Variants in CDC25A observed in about 807,000 individuals in gnomAD.
CDC25A encodes M-phase inducer phosphatase 1.
CDC25A carries 17 observed loss-of-function variants against 64.6 expected under a neutral mutation model. The observed-to-expected ratio is 0.26, with a 90% CI of 0.18 to 0.39. The LOEUF (loss-of-function observed/expected upper bound fraction) is 0.39. CDC25A is among the 10% of genes least tolerant of loss of function. CDC25A has a pLI of 1.00. For missense variants in CDC25A, 473 were observed against 654.8 expected (o/e 0.72, Z 3.03); for synonymous variants, 229 against 238.6 (o/e 0.96, Z 0.37).
At chr3:48,186,864 A>C in intron 1 of CDC25A, 85 bp from the exon 2 acceptor site, 1 of 928,126 alleles carries the variant, frequency 1.1e-6, no homozygotes, top group South Asian at 1.4e-5. Flanking sequence ...GAGATTAAGA[A>C]GCAGCCAGGC....
chr3:48,181,527 TC>T, intron 5 of CDC25A: 4 of 1,332,350 alleles, frequency 3.0e-6, no homozygotes, highest in Non-Finnish European at 4.2e-6. Flanking sequence ...GGGGTCGCGG[TC>T]GGCACTGAGG....
At chr3:48,175,693 C>G (rs1166183856) in intron 8 of CDC25A, among the ~76,000 whole-genome samples, 2 of 152,228 alleles carry the variant, frequency 1.3e-5, no homozygotes, top group Non-Finnish European at 2.9e-5. Flanking sequence ...CAAGCCCATG[C>G]TTATGACTCT....
chr3:48,162,391 T>A (rs186311317), intron 13 of CDC25A, among the ~76,000 whole-genome samples: 1 of 151,722 alleles, frequency 6.6e-6, no homozygotes, highest in Non-Finnish European at 1.5e-5. Flanking sequence ...GCTCAAACGA[T>A]CCTCCCACCT....
chr3:48,187,866 T>G lies in CDC25A; in HGVS notation c.82A>C (p.Lys28Gln). The G allele has an allele frequency of 6.5e-7, 1 of 1,548,228 alleles. No individual in the cohort carries two copies. The highest frequency in any genetic ancestry group is 8.7e-7 in the Non-Finnish European group (1 of 1,145,958). ...GCGGCTGAAGCGCCAAATAGCGCCT[T>G]CACGACGGGCTGCGACGCGGGAGGG... ...SPPPASQPVV[K>Q]ALFGASAAGG... is the part of the protein sequence containing the mutation. Residue 28 changes from lysine (K) to glutamine (Q), a missense_variant, in exon 1 of 15, where the codon AAG becomes CAG. Lys to Gln is a moderately conservative substitution (Grantham distance 53). This residue lies in a region of CDC25A where 376 missense variants were observed against 431.9 expected (regional missense o/e 0.87). Transcript: ENST00000302506.
intron 6 of CDC25A, 82 bp from the exon 7 acceptor site, chr3:48,178,070 G>T: frequency 7.4e-7 from 1 of 1,350,374 alleles, no homozygotes; most frequent in Non-Finnish European, 1.0e-6. Flanking sequence ...TTTTTATGAT[G>T]AAAACATACT....
intron 9 of CDC25A, among the ~76,000 whole-genome samples, chr3:48,172,335 G>A (rs1203608721): frequency 6.6e-6 from 1 of 152,172 alleles, no homozygotes; most frequent in Admixed American, 6.5e-5. Context: ...TGTTTTCCTA[G>A]CTGTCATCTC....
chr3:48,179,510 T>C (rs370269095), intron 6 of CDC25A, among the ~76,000 whole-genome samples: 1 of 152,090 alleles, frequency 6.6e-6, no homozygotes, highest in East Asian at 1.9e-4. Flanking sequence ...ATTGGGACTA[T>C]AGGAACAAGC....
intron 9 of CDC25A, among the ~76,000 whole-genome samples, chr3:48,168,320 G>C (rs1460919322): frequency 6.7e-6 from 1 of 149,900 alleles, no homozygotes; most frequent in Middle Eastern, 3.5e-3. Context: ...AATCGCTTGA[G>C]CCCAGGAGTT....
intron 3 of CDC25A, 83 bp from the exon 4 acceptor site, chr3:48,183,919 G>A (rs1280448312): frequency 3.7e-6 from 3 of 818,876 alleles, no homozygotes; most frequent in South Asian, 3.5e-5. Flanking sequence ...TGTTTAGCCT[G>A]TAGCTTGGGG....
chr3:48,188,163 C>T lies in CDC25A; in HGVS notation c.-216G>A. ...AGGCGCCAGCCACCAGCCACAGGCACGGGTGCTTCCCTCTCACACCGCGAG... is the reference window on the plus strand; with the variant it reads ...AGGCGCCAGCCACCAGCCACAGGCATGGGTGCTTCCCTCTCACACCGCGAG... On this transcript the variant is annotated 5_prime_UTR_variant, in exon 1 of 15. It adds an upstream start codon to the 5' untranslated region. Transcript: ENST00000302506. 2.8e-6 allele frequency: 1 copy of T among 358,336 alleles called. No individual in the cohort carries two copies. The highest frequency in any genetic ancestry group is 4.4e-5 in the East Asian group (1 of 22,780). 22.2% of individuals were successfully genotyped at this position (358,336 alleles called of 1,614,324 possible).
In CDC25A at chr3:48,188,057, C is replaced by A; in HGVS notation, c.-110G>T. The A allele has an allele frequency of 1.7e-4, 141 of 842,534 alleles. No individual in the cohort carries two copies. The highest frequency in any genetic ancestry group is 4.3e-4 in the Middle Eastern group (1 of 2,306). The allele number at this position is 842,534 out of a possible 1,614,324, so 52.2% of individuals were successfully genotyped here. ...CCGCGCGCCACCGGCGCCCGCGGGT[C>A]AAACACAAACACGACTCCGCGGTTC... On this transcript the variant is annotated 5_prime_UTR_variant, in exon 1 of 15. Coordinates refer to ENST00000302506, the MANE Select transcript of CDC25A (RefSeq NM_001789.3).
At chr3:48,177,577 C>G in intron 7 of CDC25A, 135 bp from the exon 8 acceptor site, 1 of 726,132 alleles carries the variant, frequency 1.4e-6, no homozygotes, top group Non-Finnish European at 2.4e-6. Context: ...CCATCCTATA[C>G]CGTTCTGATT....
At position 48,162,739 on chromosome 3, in the gene CDC25A, T is replaced by C. The variant is rs2031830553; in HGVS notation, c.1322+1568A>G. ...GGTGGGCACCTGTAGTCCCAGCTAC[T>C]CGGGAGGCTGAGGCAGGAGAATGGC... On this transcript the variant is annotated intron_variant, in intron 13 of 14. Transcript: ENST00000302506. Among the ~76,000 whole-genome samples, 3 of 151,978 alleles carry C rather than the reference T, an allele frequency of 2.0e-5. No homozygotes were observed. In the South Asian group the frequency reaches 6.3e-4, roughly 32 times the overall value.
intron 1 of CDC25A, among the ~76,000 whole-genome samples, chr3:48,187,535 G>A (rs1376688025): frequency 6.6e-6 from 1 of 152,232 alleles, no homozygotes; most frequent in Non-Finnish European, 1.5e-5. Context: ...GGTGAAGGTG[G>A]GCCTGGCTCG....
chr3:48,164,837 G>A (rs1300792494), intron 12 of CDC25A, among the ~76,000 whole-genome samples: 3 of 151,904 alleles, frequency 2.0e-5, no homozygotes, highest in Non-Finnish European at 2.9e-5. Context: ...GCCAGGCGCC[G>A]TGGCTCATGC....
intron 9 of CDC25A, among the ~76,000 whole-genome samples, chr3:48,173,183 A>T (rs1442183913): frequency 6.8e-6 from 1 of 146,974 alleles, no homozygotes; most frequent in Non-Finnish European, 1.5e-5. Flanking sequence ...GCGCCACTGC[A>T]CTCCAGCCTG....
chr3:48,186,961 A>T (rs1559966069), intron 1 of CDC25A, among the ~76,000 whole-genome samples, 182 bp from the exon 2 acceptor site: 1 of 152,202 alleles, frequency 6.6e-6, no homozygotes, highest in Non-Finnish European at 1.5e-5. Flanking sequence ...TGGGCAAAGG[A>T]GAAAAAAGGA....
chr3:48,183,723 T>A, intron 4 of CDC25A, 77 bp downstream of exon 4: 1 of 867,836 alleles, frequency 1.2e-6, no homozygotes, highest in Non-Finnish European at 1.9e-6. Context: ...CTAAATTAAG[T>A]CTCCTATCAA....
At chr3:48,168,062 T>TTA in intron 9 of CDC25A, 118 bp from the exon 10 acceptor site, 1 of 616,848 alleles carries the variant, frequency 1.6e-6, no homozygotes, top group African/African-American at 1.8e-5. Flanking sequence ...TAGTAAGAAG[T>TTA]TTTTATTTTA....
Sources: gnomAD v4.1 joint callset for allele counts (sites outside exome capture counted in the v4.1 genomes callset) on GRCh38, gnomAD v4.1.1 for gene constraint, gnomAD v4.1.1 regional missense constraint, MANE v1.5 for transcripts, NCBI Gene and HGNC (gene_info 2026-07-23, HGNC 2026-07-21) for gene names.